The following DEF6 variants were observed in gnomAD, a reference collection of about 807,000 sequenced individuals.
DEF6 encodes the protein differentially expressed in FDCP 6 homolog.
A neutral mutation model predicts 80.5 loss-of-function variants in DEF6; 32 were observed. The observed-to-expected ratio is 0.40, with a 90% confidence interval of 0.30 to 0.53. The LOEUF (loss-of-function observed/expected upper bound fraction) is 0.53. Among genes scored for constraint, DEF6 ranks in the 20% least tolerant of loss-of-function variants. The pLI, the probability that DEF6 is intolerant of heterozygous loss-of-function variation, is 0.57. For missense variants in DEF6, 575 were observed against 818.7 expected (o/e 0.70, Z 3.63); for synonymous variants, 300 against 337.9 (o/e 0.89, Z 1.23).
chr6:35,316,181 T>TC (rs751058894), intron 5 of DEF6: 7 of 152,050 alleles, frequency 4.6e-5, no homozygotes, highest in South Asian at 1.9e-4. Context: ...TTTTTTTTTT[T>TC]TAAGAGAGAG....
intron 9 of DEF6, among the ~76,000 whole-genome samples, chr6:35,320,356 A>G (rs769183078): frequency 3.9e-5 from 6 of 151,972 alleles, no homozygotes; most frequent in African/African-American, 7.3e-5. Flanking sequence ...CTTTGGCTCT[A>G]CTCCTTGGAG....
intron 1 of DEF6, among the ~76,000 whole-genome samples, chr6:35,308,427 C>T (rs1421072745): frequency 6.6e-6 from 1 of 151,276 alleles, no homozygotes; most frequent in African/African-American, 2.4e-5. Context: ...AATCCCAGCA[C>T]TTTGGGAGGC....
At chr6:35,313,240 A>G (rs1791490457) in intron 5 of DEF6, 1 of 368,386 alleles carries the variant, frequency 2.7e-6, no homozygotes, top group South Asian at 2.0e-5. Flanking sequence ...TATTTTAAAT[A>G]ATATGTATAT....
chr6:35,312,410 G>T lies in DEF6; in HGVS notation c.532G>T (p.Gly178Trp). Residue 178 changes from glycine to tryptophan, a missense_variant, in exon 4 of 11, where the codon GGG becomes TGG. By Grantham distance (184) the Gly-to-Trp change is radical. Coordinates refer to ENST00000316637, the MANE Select transcript of DEF6 (RefSeq NM_022047.4). This position sits in a 1 kb window ranked among gnomAD's most constrained non-coding sequence, Gnocchi z 6.6. Reference protein sequence around the residue: ...QEAQVAQTTGGLSVWQFLELF... With the variant: ...QEAQVAQTTGWLSVWQFLELF... ...GGCCCAGGTGGCCCAGACCACCGGGGGGCTCAGCGTCTGGCAGTTCCTGGA... is the reference window on the plus strand; with the variant it reads ...GGCCCAGGTGGCCCAGACCACCGGGTGGCTCAGCGTCTGGCAGTTCCTGGA... The T allele has an allele frequency of 6.2e-7, 1 of 1,614,156 alleles. No individual in the cohort carries two copies. The highest frequency in any genetic ancestry group is 8.5e-7 in the Non-Finnish European group (1 of 1,180,026).
chr6:35,314,731 G>T (rs555733690), intron 5 of DEF6, among the ~76,000 whole-genome samples: 1 of 152,236 alleles, frequency 6.6e-6, no homozygotes, highest in East Asian at 1.9e-4. Flanking sequence ...TCTTCACTTT[G>T]TTGATTGTTT....
Position 35,318,423 on chromosome 6 carries a change from C to A in DEF6, c.1167C>A (p.His389Gln). 1.3e-6 allele frequency: 2 copies of A among 1,509,288 alleles called. No individual in the cohort carries two copies. The highest frequency in any genetic ancestry group is 1.8e-6 in the Non-Finnish European group (2 of 1,135,548). The allele number at this position is 1,509,288 out of a possible 1,614,324, so 93.5% of individuals were successfully genotyped here. A position where few individuals can be genotyped will look rare whatever the true frequency, so the allele number is the denominator to read the frequency against. The change falls in exon 7 of 11, where the codon CAC becomes CAA. Residue 389 changes from histidine (H) to glutamine (Q), a missense_variant. His to Gln is a conservative substitution (Grantham distance 24). Transcript: ENST00000316637. This position sits in a 1 kb window ranked among gnomAD's most constrained non-coding sequence, Gnocchi z 5.1. ...AGGAGGAACGGCGCCGCAGCCAGCA[C>A]CGCGAGCTGCAGCAGGCGCTCGAGG... ...QEEEERRRSQ[H>Q]RELQQALEGQ...
intron 5 of DEF6, chr6:35,313,497 T>C (rs1053384433): frequency 3.5e-5 from 11 of 318,184 alleles, no homozygotes; most frequent in Non-Finnish European, 6.7e-5. Context: ...TTTTGAAATA[T>C]ACAATAGATT....
chr6:35,308,717 TAAAATAAAATAAATAAAATAATA>T (rs1562147980), intron 1 of DEF6, among the ~76,000 whole-genome samples: 1 of 98,028 alleles, frequency 1.0e-5, no homozygotes. Context: ...TAAAATAAAA[TAAAATAAAATAAATAAAATAATA>T]AAATAAAATA....
At chr6:35,303,382 C>T (rs1156436575) in intron 1 of DEF6, among the ~76,000 whole-genome samples, 1 of 152,128 alleles carries the variant, frequency 6.6e-6, no homozygotes, top group Non-Finnish European at 1.5e-5. Flanking sequence ...AAAACTGAAG[C>T]CCAGTAAGGT....
rs779358538 is a variant in DEF6, at chr6:35,319,514, C to A, written c.1216-10C>A. 6.2e-6 allele frequency: 10 copies of A among 1,605,202 alleles called. No individual in the cohort carries two copies. Among genetic ancestry groups the A allele is most frequent in the East Asian group, 2.2e-5 (1 of 44,644 alleles). The stretch of plus-strand genomic sequence containing the variant: ...CCTGGCTCTTGGTCCACCACCTCCC[C>A]CCTCCACAGGCCCGGGCCTCCATGC... On this transcript the variant is annotated splice_polypyrimidine_tract_variant and intron_variant, in intron 7 of 10. Coordinates refer to ENST00000316637, the MANE Select transcript of DEF6 (RefSeq NM_022047.4). This position sits in a 1 kb window ranked among gnomAD's most constrained non-coding sequence, Gnocchi z 4.5.
At chr6:35,307,083 G>A (rs142973170) in intron 1 of DEF6, among the ~76,000 whole-genome samples, 69 of 152,320 alleles carry the variant, frequency 4.5e-4, no homozygotes, top group African/African-American at 1.6e-3. Context: ...TCCCATGAGT[G>A]TCTGTAGGTT....
intron 1 of DEF6, among the ~76,000 whole-genome samples, chr6:35,303,784 C>T (rs1791347666): frequency 6.6e-6 from 1 of 151,316 alleles, no homozygotes; most frequent in South Asian, 2.1e-4. Flanking sequence ...ATCGCTTCAG[C>T]CCAGGAATTC....
At position 35,312,919 on chromosome 6, in the gene DEF6, C is replaced by A. The variant is rs1224992401; in HGVS notation, c.807+147C>A. 1 of 955,628 alleles carries A rather than the reference C, an allele frequency of 1.0e-6. No homozygotes were observed. The highest frequency in any genetic ancestry group is 1.5e-6 in the Non-Finnish European group (1 of 651,984). 59.2% of individuals were successfully genotyped at this position (955,628 alleles called of 1,614,324 possible). ...TTAGATTAGTGTGACCCAAATATAT[C>A]CGGATGCCTCAAGGCCATTCTCATC... On this transcript the variant is annotated intron_variant, in intron 5 of 10. Transcript: ENST00000316637. The surrounding 1 kb of genome is among the most constrained non-coding windows in gnomAD (Gnocchi z 6.6).
At chr6:35,297,973 G>T in intron 1 of DEF6, 21 bp downstream of exon 1, 5 of 1,569,118 alleles carry the variant, frequency 3.2e-6, no homozygotes, top group Non-Finnish European at 4.3e-6. Flanking sequence ...CCCGGGACCC[G>T]GGGGAGGACG....
chr6:35,310,638 T>A lies in DEF6; in HGVS notation c.417T>A (p.Pro139=). ...SEDKYPLIMV[P]DEVEYLLKKV... is the part of the protein sequence containing the mutation. ...ACAAGTACCCTCTGATCATGGTTCC[T>A]GATGAGGTGAGGGTGATGGCAGCCC... The change falls in exon 3 of 11, where the codon CCT becomes CCA. Residue 139 remains proline, a synonymous_variant. Transcript: ENST00000316637. 1 of 1,614,182 alleles carries A rather than the reference T, an allele frequency of 6.2e-7. No individual in the cohort carries two copies. Among genetic ancestry groups the A allele is most frequent in the Non-Finnish European group, 8.5e-7 (1 of 1,180,030 alleles).
At chr6:35,309,595 G>A in intron 1 of DEF6, 75 bp from the exon 2 acceptor site, 2 of 1,548,638 alleles carry the variant, frequency 1.3e-6, no homozygotes, top group South Asian at 2.4e-5. Context: ...GACAAGCAGA[G>A]AGGTGGGGAG....
At chr6:35,302,006 C>T (rs544581820) in intron 1 of DEF6, among the ~76,000 whole-genome samples, 98 of 151,520 alleles carry the variant, frequency 6.5e-4, no homozygotes, top group Non-Finnish European at 1.3e-3. Context: ...GGATTACAGG[C>T]GTGAGCTACT....
chr6:35,319,587 C>T lies in DEF6; in HGVS notation c.1279C>T (p.Arg427Cys). 6.2e-7 allele frequency: 1 copy of T among 1,613,814 alleles called. No individual in the cohort carries two copies. Among genetic ancestry groups the T allele is most frequent in the Non-Finnish European group, 8.5e-7 (1 of 1,179,890 alleles). ...KEEEAARQRQ[R>C]IKELEEMQQR... ...GGAGGAGGCTGCCCGGCAGCGGCAG[C>T]GCATCAAGGAGCTGGAGGAGATGCA... The change falls in exon 8 of 11, where the codon CGC becomes TGC. Residue 427 changes from arginine (R) to cysteine (C), a missense_variant. Arg to Cys is a radical substitution (Grantham distance 180). Transcript: ENST00000316637. This position sits in a 1 kb window ranked among gnomAD's most constrained non-coding sequence, Gnocchi z 4.5.
intron 1 of DEF6, 116 bp downstream of exon 1, chr6:35,298,068 C>G (rs1276150901): frequency 2.1e-6 from 2 of 954,748 alleles, no homozygotes; most frequent in Non-Finnish European, 3.2e-6. Context: ...ATCCAGCGTC[C>G]CGGGCCTGGG....
Sources: gnomAD v4.1 joint callset for allele counts (sites outside exome capture counted in the v4.1 genomes callset) on GRCh38, gnomAD v4.1.1 for gene constraint, Gnocchi (gnomAD v3.1) non-coding constraint, MANE v1.5 for transcripts, NCBI Gene and HGNC (gene_info 2026-07-23, HGNC 2026-07-21) for gene names.